Variants in BIRC6 observed in about 807,000 individuals in gnomAD.
BIRC6 encodes baculoviral IAP repeat containing 6, also known as dual E2 ubiquitin-conjugating enzyme/E3 ubiquitin-protein ligase BIRC6.
A neutral mutation model predicts 503.3 loss-of-function variants in BIRC6; 98 were observed. The observed-to-expected ratio is 0.19, with a 90% CI of 0.17 to 0.23. The LOEUF is 0.23. BIRC6 is among the 10% of genes least tolerant of loss of function. The pLI, the probability that BIRC6 is intolerant of heterozygous loss-of-function variation, is 1.00. For synonymous variants in BIRC6, 2,240 were observed against 2,078.7 expected (o/e 1.08, Z -2.11); for missense variants, 5,360 against 5,806.0 (o/e 0.92, Z 2.50).
chr2:32,426,038 T>C (rs2043454580), intron 10 of BIRC6, among the ~76,000 whole-genome samples: 1 of 152,208 alleles, frequency 6.6e-6, no homozygotes, highest in African/African-American at 2.4e-5. Flanking sequence ...AGTTCTGAAA[T>C]AGTTGATTCC....
rs1046117332 is a variant in BIRC6 at position 32,618,134 on chromosome 2, A to C, written c.*230A>C. On this transcript the variant is annotated 3_prime_UTR_variant, in exon 74 of 74. Coordinates refer to ENST00000421745, the MANE Select transcript of BIRC6 (RefSeq NM_016252.4). ...GTGAGAACCACTGATTGGTATGTTC[A>C]ACAAATTTGTGTATACAAAGAAATG... 12 of 371,236 alleles carry C rather than the reference A, an allele frequency of 3.2e-5. No homozygotes were observed. The Admixed American group carries it at 4.9e-4, about 15-fold the overall frequency. 23.0% of individuals were successfully genotyped at this position (371,236 alleles called of 1,614,324 possible).
intron 66 of BIRC6, among the ~76,000 whole-genome samples, chr2:32,576,447 C>T (rs529203360): frequency 1.3e-5 from 2 of 152,280 alleles, no homozygotes; most frequent in South Asian, 4.1e-4. Flanking sequence ...CAGTGGTTGT[C>T]AGTTTATTCC....
At position 32,357,097 on chromosome 2, in the gene BIRC6, C is replaced by G; in HGVS notation, c.-65C>G. 2 of 1,348,456 alleles carry G rather than the reference C, an allele frequency of 1.5e-6. No individual in the cohort carries two copies. Among genetic ancestry groups the G allele is most frequent in the Non-Finnish European group, 1.9e-6 (2 of 1,033,212 alleles). The allele number at this position is 1,348,456 out of a possible 1,614,324, so 83.5% of individuals were successfully genotyped here. On this transcript the variant is annotated 5_prime_UTR_variant, in exon 1 of 74. Coordinates refer to ENST00000421745, the MANE Select transcript of BIRC6 (RefSeq NM_016252.4). The surrounding 1 kb of genome is among the most constrained non-coding windows in gnomAD (Gnocchi z 4.9). Reference sequence around the variant, plus strand: ...CCCCTCCGGCCGGGCGATCGACGTTCCGCGTGCGTGCGGGCGCCTGACTTC... The same window carrying G: ...CCCCTCCGGCCGGGCGATCGACGTTGCGCGTGCGTGCGGGCGCCTGACTTC...
At chr2:32,594,121 C>T in intron 67 of BIRC6, 61 bp downstream of exon 67, 3 of 1,509,634 alleles carry the variant, frequency 2.0e-6, no homozygotes, top group Non-Finnish European at 2.7e-6. Flanking sequence ...CATTTACTTA[C>T]TGAAACCTGC....
Position 32,442,176 on chromosome 2 carries a change from G to T in BIRC6, c.4056G>T (p.Val1352=). 6.2e-7 allele frequency: 1 copy of T among 1,611,436 alleles called. No individual in the cohort carries two copies. Among genetic ancestry groups the T allele is most frequent in the Non-Finnish European group, 8.5e-7 (1 of 1,179,178 alleles). Residue 1352 remains valine (V), a synonymous_variant, in exon 18 of 74, where the codon GTG becomes GTT. Transcript: ENST00000421745. ...TCACAGAACATGCCCAGAGCCTTGT[G>T]TTGGATACTCTCTGTTGGTTAGCTG... is the stretch of plus-strand genomic sequence containing the variant. ...GQITEHAQSL[V]LDTLCWLAGV... is the part of the protein sequence containing the mutation.
chr2:32,380,069 A>G, intron 2 of BIRC6, 84 bp from the exon 3 acceptor site: 1 of 975,840 alleles, frequency 1.0e-6, no homozygotes, highest in Middle Eastern at 3.3e-4. Flanking sequence ...ATATTAAAAT[A>G]TCTGAAAGAG....
At position 32,378,551 on chromosome 2, in the gene BIRC6, G is replaced by A. The variant is rs186296113; in HGVS notation, c.507+782G>A. On this transcript the variant is annotated intron_variant, in intron 2 of 73. Transcript: ENST00000421745. ...TGGCTCACTGCAACCTTCATCTCCC[G>A]GGTTCAAGTGATTCTCTTGCCTCAG... Among the ~76,000 whole-genome samples, 989 of 151,822 alleles carry A rather than the reference G, an allele frequency of 6.5e-3. 5 individuals carry two copies. The highest frequency in any genetic ancestry group is 0.011 in the Non-Finnish European group (746 of 67,972).
intron 66 of BIRC6, among the ~76,000 whole-genome samples, chr2:32,582,287 T>C (rs181011463): frequency 2.0e-5 from 3 of 152,226 alleles, no homozygotes; most frequent in Admixed American, 2.0e-4. Context: ...GGTGGGAGGA[T>C]GATTGCTTGA....
intron 64 of BIRC6, chr2:32,549,039 TAC>T (rs752853656): frequency 4.4e-6 from 1 of 225,956 alleles, no homozygotes; most frequent in East Asian, 9.1e-5. Flanking sequence ...ATGTAAATAA[TAC>T]AGAGTTGCTA....
intron 22 of BIRC6, among the ~76,000 whole-genome samples, chr2:32,452,480 T>A (rs973917770): frequency 3.3e-5 from 5 of 152,114 alleles, no homozygotes; most frequent in African/African-American, 1.2e-4. Context: ...TTTAAAGATA[T>A]GTAGAGGGAT....
chr2:32,593,621 G>C (rs1338248890), intron 66 of BIRC6, among the ~76,000 whole-genome samples: 1 of 152,048 alleles, frequency 6.6e-6, no homozygotes, highest in African/African-American at 2.4e-5. Context: ...AGTGATTTCT[G>C]TCTCTGAATA....
At position 32,357,520 on chromosome 2, in the gene BIRC6, C is replaced by A; in HGVS notation, c.325+34C>A. On this transcript the variant is annotated intron_variant, in intron 1 of 73. Transcript: ENST00000421745. The surrounding 1 kb of genome is among the most constrained non-coding windows in gnomAD (Gnocchi z 4.9). ...TCCGCACGCCGGGCGGGCGCGAAGC[C>A]GGGGAAAGAAGCCGTCCAGCCCCGG... 6.5e-7 allele frequency: 1 copy of A among 1,534,446 alleles called. No individual in the cohort carries two copies.
intron 6 of BIRC6, among the ~76,000 whole-genome samples, chr2:32,397,153 C>T (rs1300505812): frequency 6.6e-6 from 1 of 152,116 alleles, no homozygotes; most frequent in Non-Finnish European, 1.5e-5. Flanking sequence ...CCATGGTTGA[C>T]CATGGGTAAC....
chr2:32,392,211 T>C, intron 5 of BIRC6, 61 bp downstream of exon 5: 1 of 1,175,130 alleles, frequency 8.5e-7, no homozygotes, highest in Admixed American at 2.4e-5. Flanking sequence ...TCAGCAAAAT[T>C]ATCACATTTT....
Position 32,499,996 on chromosome 2 carries a change from T to G in BIRC6, c.8918T>G (p.Val2973Gly). 6.2e-7 allele frequency: 1 copy of G among 1,613,988 alleles called. No homozygotes were observed. The highest frequency in any genetic ancestry group is 2.2e-5 in the East Asian group (1 of 44,876). The stretch of plus-strand genomic sequence containing the variant: ...GATGGCAATGGAAGCAGTACCAGTG[T>G]TCAAGGATCGCCTGCATATGTTGCT... ...GKDGNGSSTS[V>G]QGSPAYVADL... Residue 2973 changes from valine (V) to glycine (G), a missense_variant, in exon 46 of 74, where the codon GTT (valine) becomes GGT (glycine). By Grantham distance (109) the Val-to-Gly change is moderately radical. Coordinates refer to ENST00000421745, the MANE Select transcript of BIRC6 (RefSeq NM_016252.4).
At chr2:32,609,912 G>T (rs561074486) in intron 72 of BIRC6, among the ~76,000 whole-genome samples, 2 of 152,130 alleles carry the variant, frequency 1.3e-5, no homozygotes, top group East Asian at 3.9e-4. Context: ...GCGTTAAAGG[G>T]GCCACTCCTT....
At chr2:32,532,624 A>T (rs981789016) in intron 61 of BIRC6, among the ~76,000 whole-genome samples, 3 of 152,142 alleles carry the variant, frequency 2.0e-5, no homozygotes, top group Non-Finnish European at 4.4e-5. Flanking sequence ...ACTTGAACAT[A>T]TCTTGGGAGG....
intron 10 of BIRC6, 27 bp from the exon 11 acceptor site, chr2:32,429,119 G>A (rs200486933): frequency 1.3e-6 from 2 of 1,545,010 alleles, no homozygotes; most frequent in African/African-American, 2.8e-5. Context: ...TATTTTTCAT[G>A]TATCTATGAA....
In BIRC6 at chr2:32,380,126, TTTTTTTA is replaced by T. The variant is rs751964421; in HGVS notation, c.508-9_508-3del. 2.3e-5 allele frequency: 33 copies of T among 1,442,044 alleles called. No homozygotes were observed. In the Middle Eastern group the frequency reaches 8.1e-4, roughly 35 times the overall value. The allele number at this position is 1,442,044 out of a possible 1,614,324, so 89.3% of individuals were successfully genotyped here. The stretch of plus-strand genomic sequence containing the variant: ...TGTTCTTGTGTTGAATTTTCTGTGA[TTTTTTTA>T]TTTTTTATTTTTTATTTAGGCACAG... On this transcript the variant is annotated intron_variant, in intron 2 of 73. Coordinates refer to ENST00000421745, the MANE Select transcript of BIRC6 (RefSeq NM_016252.4).
Sources: allele counts gnomAD v4.1 joint callset (sites outside exome capture counted in the v4.1 genomes callset), GRCh38; gene constraint gnomAD v4.1.1; non-coding constraint Gnocchi (gnomAD v3.1); transcripts MANE v1.5; gene names NCBI Gene and HGNC (gene_info 2026-07-23, HGNC 2026-07-21).